Variants in TMPRSS6 observed in about 807,000 individuals in gnomAD.
TMPRSS6 encodes transmembrane serine protease 6, also known as transmembrane protease serine 6.
Under a neutral mutation model 101.5 loss-of-function variants are expected in TMPRSS6, and 67 were observed. The ratio of observed to expected loss-of-function variants is 0.66; its 90% CI spans 0.54 to 0.81. TMPRSS6 has a LOEUF of 0.81. Among genes scored for constraint, TMPRSS6 ranks in the 30% least tolerant of loss-of-function variants. The pLI, the probability that TMPRSS6 is intolerant of heterozygous loss-of-function variation, is 0.00. For synonymous variants in TMPRSS6, 453 were observed against 464.9 expected, an observed-to-expected ratio of 0.97 and a Z score of 0.33; for missense variants, 1,034 against 1,088.7, an observed-to-expected ratio of 0.95 and a Z score of 0.71.
chr22:37,103,570 G>A lies in TMPRSS6; in HGVS notation c.-1-152C>T. On this transcript the variant is annotated intron_variant, in intron 1 of 17. Transcript: ENST00000676104. The surrounding 1 kb of genome is among the most constrained non-coding windows in gnomAD (Gnocchi z 4.4). ...GGCAGTGACTGCAAGTGGGTGCCGA[G>A]ACAGCTCACAGAGGAGGGAAGTGCA... is the stretch of plus-strand genomic sequence containing the variant. The A allele has an allele frequency of 1.2e-6, 2 of 1,613,650 alleles. No individual in the cohort carries two copies. The highest frequency in any genetic ancestry group is 1.7e-6 in the Non-Finnish European group (2 of 1,180,016).
At chr22:37,098,102 G>A (rs1929980051) in intron 3 of TMPRSS6, among the ~76,000 whole-genome samples, 3 of 148,724 alleles carry the variant, frequency 2.0e-5, no homozygotes, top group East Asian at 3.9e-4. Flanking sequence ...GGGGAGGAGC[G>A]GGCCACCGTC....
At chr22:37,107,898 T>C (rs1930814038) in intron 1 of TMPRSS6, among the ~76,000 whole-genome samples, 1 of 152,208 alleles carries the variant, frequency 6.6e-6, no homozygotes, top group Admixed American at 6.5e-5. Context: ...AAATATGTCA[T>C]TTATCTGCCT....
rs367857171 is a variant in TMPRSS6, at chr22:37,078,586, G to A, written c.1197-3306C>T. 3.9e-5 allele frequency among the ~76,000 whole-genome samples: 6 copies of A among 152,234 alleles called. No homozygotes were observed. The South Asian group carries it at 6.2e-4, about 16-fold the overall frequency. On this transcript the variant is annotated intron_variant, in intron 10 of 17. Coordinates refer to ENST00000676104, the MANE Select transcript of TMPRSS6 (RefSeq NM_001374504.1). The stretch of plus-strand genomic sequence containing the variant: ...AGTGGCCCAAGCGGAGTCACTCAGC[G>A]TAAAGACAATCTGTTTATGCACCAT...
At chr22:37,068,564 C>T in intron 16 of TMPRSS6, 1 of 778,400 alleles carries the variant, frequency 1.3e-6, no homozygotes, top group Non-Finnish European at 2.4e-6. Flanking sequence ...CTGGAGGCAG[C>T]CAGCCCTGGG....
At position 37,103,538 on chromosome 22, in the gene TMPRSS6, A is replaced by G. The variant is rs1442697272; in HGVS notation, c.-1-120T>C. On this transcript the variant is annotated intron_variant, in intron 1 of 17. Transcript: ENST00000676104. The surrounding 1 kb of genome is among the most constrained non-coding windows in gnomAD (Gnocchi z 4.4). ...CCTTTTGGAGTGGAAGAGTAACAAC[A>G]TCAGGCGGCAGTGACTGCAAGTGGG... is the stretch of plus-strand genomic sequence containing the variant. 1 of 1,614,062 alleles carries G rather than the reference A, an allele frequency of 6.2e-7. No homozygotes were observed.
rs745388319 is a variant in TMPRSS6, at chr22:37,103,275, A to T, written c.143T>A (p.Phe48Tyr). ...ARGYLRLVPLFVLLALLVLAS... is the reference protein window; with the variant it reads ...ARGYLRLVPLYVLLALLVLAS... ...CAGCACGAGCAGGGCCAGCAGCACAAACAGGGGCACCAGGCGGAGGTAGCC... is the reference window on the plus strand; with the variant it reads ...CAGCACGAGCAGGGCCAGCAGCACATACAGGGGCACCAGGCGGAGGTAGCC... The change falls in exon 2 of 18, where the codon TTT becomes TAT. Residue 48 changes from phenylalanine to tyrosine, a missense_variant. Coordinates refer to ENST00000676104, the MANE Select transcript of TMPRSS6 (RefSeq NM_001374504.1). The surrounding 1 kb of genome is among the most constrained non-coding windows in gnomAD (Gnocchi z 4.4). 29 of 1,614,104 alleles carry T rather than the reference A, an allele frequency of 1.8e-5. No individual in the cohort carries two copies. Among genetic ancestry groups the T allele is most frequent in the Non-Finnish European group, 2.5e-5 (29 of 1,179,976 alleles).
At position 37,096,720 on chromosome 22, in the gene TMPRSS6, G is replaced by A. The variant is rs1361339643; in HGVS notation, c.337-5C>T. 1 of 1,561,080 alleles carries A rather than the reference G, an allele frequency of 6.4e-7. No homozygotes were observed. Among genetic ancestry groups the A allele is most frequent in the Non-Finnish European group, 8.7e-7 (1 of 1,151,644 alleles). The stretch of plus-strand genomic sequence containing the variant: ...GCTGGTGATGAGCTCCTTGAGCTGT[G>A]AGAAGGGAAGACAACAGCCCCTGGG... On this transcript the variant is annotated splice_polypyrimidine_tract_variant and splice_region_variant and intron_variant, in intron 3 of 17. Coordinates refer to ENST00000676104, the MANE Select transcript of TMPRSS6 (RefSeq NM_001374504.1).
intron 17 of TMPRSS6, 59 bp downstream of exon 17, chr22:37,066,766 TG>T: frequency 6.2e-7 from 1 of 1,611,316 alleles, no homozygotes; most frequent in Non-Finnish European, 8.5e-7. Flanking sequence ...GGCCAGACCC[TG>T]GTGATGTGGG....
At chr22:37,070,692 G>T (rs1221487658) in intron 14 of TMPRSS6, 40 bp from the exon 15 acceptor site, 2 of 1,593,312 alleles carry the variant, frequency 1.3e-6, no homozygotes, top group Admixed American at 3.4e-5. Flanking sequence ...CAGAGGAGGA[G>T]GGGAAGGGGA....
chr22:37,095,819 C>T (rs1262541258), intron 5 of TMPRSS6, 87 bp downstream of exon 5: 1 of 1,556,392 alleles, frequency 6.4e-7, no homozygotes, highest in Non-Finnish European at 8.8e-7. Flanking sequence ...CACCCCAGGC[C>T]TGGCAGGCAG....
rs748129471 is a variant in TMPRSS6 at position 37,070,993 on chromosome 22, C to A, written c.1595G>T (p.Arg532Leu). The A allele has an allele frequency of 6.2e-7, 1 of 1,613,084 alleles. No homozygotes were observed. The highest frequency in any genetic ancestry group is 8.5e-7 in the Non-Finnish European group (1 of 1,179,880). Residue 532 changes from arginine (R) to leucine (L), a missense_variant, in exon 14 of 18, where the codon CGG becomes CTG. Coordinates refer to ENST00000676104, the MANE Select transcript of TMPRSS6 (RefSeq NM_001374504.1). ...CGTFTFQCED[R>L]SCVKKPNPQC... ...CGGGTTGGGCTTCTTCACGCAGCTC[C>A]GGTCCTCACACTGGAAGGTGAATGT...
intron 15 of TMPRSS6, 132 bp downstream of exon 15, chr22:37,070,352 A>G (rs964060813): frequency 7.4e-6 from 9 of 1,215,738 alleles, no homozygotes; most frequent in Non-Finnish European, 9.6e-6. Flanking sequence ...TAGAACTCAC[A>G]TCACAGTAGC....
chr22:37,092,780 GC>G (rs1419746042), intron 6 of TMPRSS6, among the ~76,000 whole-genome samples: 2 of 152,216 alleles, frequency 1.3e-5, no homozygotes, highest in Non-Finnish European at 2.9e-5. Context: ...ACAGGCTTGT[GC>G]CACCACGCCC....
chr22:37,092,388 G>A (rs990310665), intron 6 of TMPRSS6, among the ~76,000 whole-genome samples: 6 of 152,004 alleles, frequency 3.9e-5, no homozygotes, highest in East Asian at 1.9e-4. Context: ...GCAGTGATGC[G>A]ATCACAACAG....
At chr22:37,104,595 G>C (rs1406570551) in intron 1 of TMPRSS6, among the ~76,000 whole-genome samples, 2 of 152,158 alleles carry the variant, frequency 1.3e-5, no homozygotes, top group Non-Finnish European at 2.9e-5. Context: ...CACCCACCGG[G>C]AGAGCAAAGG....
chr22:37,069,198 A>G lies in TMPRSS6; in HGVS notation c.1988T>C (p.Leu663Pro). Residue 663 changes from leucine to proline, a missense_variant, in exon 16 of 18, where the codon CTG becomes CCG. Physicochemically the swap from Leu to Pro is moderately conservative, Grantham distance 98 (BLOSUM62 -3). Coordinates refer to ENST00000676104, the MANE Select transcript of TMPRSS6 (RefSeq NM_001374504.1). The surrounding 1 kb of genome is among the most constrained non-coding windows in gnomAD (Gnocchi z 4.8). ...GCGCACCACCGGGTGGTCGAGCTGC[A>G]GCAGCGCCACGTCGTAGTCATGGCT... Reference protein sequence around the residue: ...EDSHDYDVALLQLDHPVVRSA... With the variant: ...EDSHDYDVALPQLDHPVVRSA... The G allele has an allele frequency of 6.2e-7, 1 of 1,602,872 alleles. No individual in the cohort carries two copies. The highest frequency in any genetic ancestry group is 8.5e-7 in the Non-Finnish European group (1 of 1,175,698).
At position 37,066,896 on chromosome 22, in the gene TMPRSS6, A is replaced by G. The variant is rs855791; in HGVS notation, c.2180T>C (p.Val727Ala). ...QLIPQDLCSE[V>A]YRYQVTPRML... ...GCGTGGCGTCACCTGGTAGCGATAGACCTCGCTGCACAGGTCCTGTGGGAT... is the reference window on the plus strand; with the variant it reads ...GCGTGGCGTCACCTGGTAGCGATAGGCCTCGCTGCACAGGTCCTGTGGGAT... The change falls in exon 17 of 18, where the codon GTC becomes GCC. Residue 727 changes from valine (V) to alanine (A), a missense_variant. Physicochemically the swap from Val to Ala is moderately conservative, Grantham distance 64. Coordinates refer to ENST00000676104, the MANE Select transcript of TMPRSS6 (RefSeq NM_001374504.1). 919,800 of 1,613,526 alleles carry G rather than the reference A, an allele frequency of 0.57. 267,184 individuals are homozygous for G. The highest frequency in any genetic ancestry group is 0.85 in the African/African-American group (64,038 of 74,952).
intron 10 of TMPRSS6, 22 bp downstream of exon 10, chr22:37,084,273 G>A (rs1222981585): frequency 1.3e-6 from 2 of 1,598,840 alleles, no homozygotes; most frequent in African/African-American, 1.3e-5. Context: ...AAGGAAGCCA[G>A]AGGGAGGAGA....
rs530885502 is a variant in TMPRSS6, at chr22:37,071,079, G to A, written c.1556-47C>T. On this transcript the variant is annotated intron_variant, in intron 13 of 17. Coordinates refer to ENST00000676104, the MANE Select transcript of TMPRSS6 (RefSeq NM_001374504.1). ...CAGGGCACAGAAGGTGGGTCTCTGAGCCCCAAGGAAACCTTCCAAAGTGGG... is the reference window on the plus strand; with the variant it reads ...CAGGGCACAGAAGGTGGGTCTCTGAACCCCAAGGAAACCTTCCAAAGTGGG... 25 of 1,571,764 alleles carry A rather than the reference G, an allele frequency of 1.6e-5. No homozygotes were observed. In the South Asian group the frequency reaches 2.3e-4, roughly 15 times the overall value.
Sources: allele counts gnomAD v4.1 joint callset (sites outside exome capture counted in the v4.1 genomes callset), GRCh38; gene constraint gnomAD v4.1.1; non-coding constraint Gnocchi (gnomAD v3.1); transcripts MANE v1.5; gene names NCBI Gene and HGNC (gene_info 2026-07-23, HGNC 2026-07-21).